UNC80: variants seen among roughly 807,000 people sequenced by gnomAD.
The protein encoded by UNC80 is unc-80 subunit of NALCN channel complex.
UNC80 carries 164 observed loss-of-function variants against 384.6 expected under a neutral mutation model. The ratio of observed to expected loss-of-function variants is 0.43; its 90% CI spans 0.38 to 0.49. The LOEUF (loss-of-function observed/expected upper bound fraction) is 0.49. UNC80 is among the 20% of genes least tolerant of loss of function. The pLI, the probability that UNC80 is intolerant of heterozygous loss-of-function variation, is 0.00. For missense variants in UNC80, 3,330 were observed against 4,143.0 expected (o/e 0.80, Z 5.39); for synonymous variants, 1,486 against 1,527.8 (o/e 0.97, Z 0.64).
rs191040551 is a variant in UNC80 at position 209,887,365 on chromosome 2, G to A, written c.4111-730G>A. Among the ~76,000 whole-genome samples the A allele has an allele frequency of 1.6e-3, 248 of 151,892 alleles. 1 individual carries two copies. Among genetic ancestry groups the A allele is most frequent in the African/African-American group, 5.8e-3 (239 of 41,426 alleles). On this transcript the variant is annotated intron_variant, in intron 25 of 64. Transcript: ENST00000673920. Reference sequence around the variant, plus strand: ...CTCCATCTTTATAGCTAGAAACATCGCATCTCTCTCATCTTTCTTTCATAG... The same window carrying A: ...CTCCATCTTTATAGCTAGAAACATCACATCTCTCTCATCTTTCTTTCATAG...
chr2:209,785,253 A>C (rs899964214), intron 4 of UNC80, among the ~76,000 whole-genome samples: 2 of 152,196 alleles, frequency 1.3e-5, no homozygotes, highest in African/African-American at 4.8e-5. Context: ...CTCTGCTTCT[A>C]TCTTTACATT....
chr2:209,968,562 T>C (rs2092798246), intron 52 of UNC80: 1 of 152,188 alleles, frequency 6.6e-6, no homozygotes, highest in Non-Finnish European at 1.5e-5. Context: ...TTATATTCTT[T>C]TATACCGTGG....
intron 18 of UNC80, among the ~76,000 whole-genome samples, chr2:209,836,789 TCTTC>T (rs2081362184): frequency 6.6e-6 from 1 of 152,222 alleles, no homozygotes; most frequent in East Asian, 1.9e-4. Flanking sequence ...CCCTGTGTCC[TCTTC>T]CTTCTTAAAT....
At chr2:209,894,132 GA>G (rs1236402360) in intron 26 of UNC80, 30 bp from the exon 27 acceptor site, 13 of 984,230 alleles carry the variant, frequency 1.3e-5, no homozygotes, top group Non-Finnish European at 1.6e-5. Context: ...CACTAGGGGG[GA>G]AAAAGCCCTA....
At position 209,954,086 on chromosome 2, in the gene UNC80, T is replaced by C. The variant is rs1165772500; in HGVS notation, c.7287-14T>C. On this transcript the variant is annotated splice_polypyrimidine_tract_variant and intron_variant, in intron 47 of 64. Transcript: ENST00000673920. ...ATGTAAAAGGTGACTCGGTTTTCTT[T>C]CTGTCGCTTAAAGTCTTCAGATGCT... The C allele has an allele frequency of 6.5e-7, 1 of 1,541,856 alleles. No individual in the cohort carries two copies. The highest frequency in any genetic ancestry group is 8.7e-7 in the Non-Finnish European group (1 of 1,143,740).
chr2:209,983,759 T>C (rs1224567768), intron 60 of UNC80, among the ~76,000 whole-genome samples: 1 of 152,098 alleles, frequency 6.6e-6, no homozygotes, highest in African/African-American at 2.4e-5. Flanking sequence ...CATTAAGGGG[T>C]CAAGTTGTTT....
chr2:209,833,478 A>G (rs2081139872), intron 16 of UNC80, among the ~76,000 whole-genome samples: 1 of 152,158 alleles, frequency 6.6e-6, no homozygotes, highest in Non-Finnish European at 1.5e-5. Flanking sequence ...TACAACATAT[A>G]TGTACTTTGC....
chr2:209,837,944 T>C (rs1264013614), intron 18 of UNC80, among the ~76,000 whole-genome samples: 1 of 152,052 alleles, frequency 6.6e-6, no homozygotes, highest in Non-Finnish European at 1.5e-5. Context: ...GCTAATTTTT[T>C]GTATTTTTAG....
intron 22 of UNC80, among the ~76,000 whole-genome samples, chr2:209,866,429 A>G (rs568274314): frequency 2.0e-5 from 3 of 150,596 alleles, no homozygotes; most frequent in Non-Finnish European, 3.0e-5. Flanking sequence ...AGTTGTCACA[A>G]CTTGGGGATT....
At chr2:209,823,549 G>T (rs1469407485) in intron 13 of UNC80, among the ~76,000 whole-genome samples, 1 of 151,928 alleles carries the variant, frequency 6.6e-6, no homozygotes, top group African/African-American at 2.4e-5. Flanking sequence ...CCATTCAGAG[G>T]GTTCATCTTC....
intron 11 of UNC80, among the ~76,000 whole-genome samples, chr2:209,818,461 G>T (rs1171614120): frequency 6.6e-6 from 1 of 151,830 alleles, no homozygotes; most frequent in Non-Finnish European, 1.5e-5. Context: ...CAGAATAATT[G>T]ATTTTTTTCT....
At chr2:209,905,740 C>T (rs1299982373) in intron 29 of UNC80, among the ~76,000 whole-genome samples, 1 of 152,144 alleles carries the variant, frequency 6.6e-6, no homozygotes, top group East Asian at 1.9e-4. Context: ...TCATCTAGGT[C>T]AAATCAGACT....
At chr2:209,859,098 T>A (rs924707244) in intron 22 of UNC80, among the ~76,000 whole-genome samples, 4 of 152,224 alleles carry the variant, frequency 2.6e-5, no homozygotes, top group African/African-American at 7.2e-5. Context: ...AGGATACATG[T>A]GCAGAATGTA....
At chr2:209,981,598 C>A (rs1009886347) in intron 59 of UNC80, among the ~76,000 whole-genome samples, 1 of 150,334 alleles carries the variant, frequency 6.7e-6, no homozygotes, top group African/African-American at 2.4e-5. Flanking sequence ...ACAAACAAAC[C>A]AAAACAAAAC....
At chr2:209,931,312 G>A (rs1396353306) in intron 38 of UNC80, among the ~76,000 whole-genome samples, 2 of 145,968 alleles carry the variant, frequency 1.4e-5, no homozygotes, top group African/African-American at 4.9e-5. Context: ...TTTCTGTTGA[G>A]AAAACATGTG....
chr2:209,829,302 T>A lies in UNC80; in HGVS notation c.2549T>A (p.Val850Glu). Residue 850 changes from valine to glutamate, a missense_variant, in exon 15 of 65, where the codon GTG becomes GAG. Physicochemically the swap from Val to Glu is moderately radical, Grantham distance 121. Coordinates refer to ENST00000673920, the MANE Select transcript of UNC80 (RefSeq NM_001371986.1). ...MQFRQTMRDY[V>E]NKDSLNNVVD... ...TTCCGACAAACCATGAGGGACTATG[T>A]GAACAAGGACTCTCTCAATAATGTA... 2.6e-6 allele frequency: 4 copies of A among 1,551,438 alleles called. No individual in the cohort carries two copies. Among genetic ancestry groups the A allele is most frequent in the Non-Finnish European group, 3.5e-6 (4 of 1,146,798 alleles).
intron 22 of UNC80, among the ~76,000 whole-genome samples, chr2:209,871,539 T>G (rs1480139673): frequency 6.6e-6 from 1 of 152,188 alleles, no homozygotes; most frequent in Non-Finnish European, 1.5e-5. Flanking sequence ...TAAAAATTAT[T>G]TCAATTTGAA....
chr2:209,834,311 G>A, intron 17 of UNC80, 143 bp downstream of exon 17: 1 of 841,448 alleles, frequency 1.2e-6, no homozygotes, highest in Non-Finnish European at 1.8e-6. Flanking sequence ...TCACTGGTGT[G>A]GTGTAGCTGC....
At chr2:209,788,558 A>G (rs1039623397) in intron 5 of UNC80, among the ~76,000 whole-genome samples, 20 of 147,864 alleles carry the variant, frequency 1.4e-4, no homozygotes, top group African/African-American at 4.9e-4. Context: ...TATATACTAT[A>G]AAATATATTA....
Sources: allele counts gnomAD v4.1 joint callset (sites outside exome capture counted in the v4.1 genomes callset), GRCh38; gene constraint gnomAD v4.1.1; transcripts MANE v1.5; gene names NCBI Gene and HGNC (gene_info 2026-07-23, HGNC 2026-07-21).